PNPLA1: variants seen among roughly 807,000 people sequenced by gnomAD.
The protein encoded by PNPLA1 is patatin like domain 1, omega-hydroxyceramide transacylase, also known as omega-hydroxyceramide transacylase.
PNPLA1 carries 36 observed loss-of-function variants against 51.7 expected under a neutral mutation model. The ratio of observed to expected loss-of-function variants is 0.70; its 90% CI spans 0.53 to 0.92. PNPLA1 has a LOEUF of 0.92. PNPLA1 is among the 40% of genes least tolerant of loss of function. The pLI is 0.00. For synonymous variants in PNPLA1, 293 were observed against 280.1 expected (o/e 1.05, Z -0.46); for missense variants, 658 against 682.5 (o/e 0.96, Z 0.40).
chr6:36,247,564 G>GAATGA (rs1258074955), intron 1 of PNPLA1, among the ~76,000 whole-genome samples: 2 of 152,210 alleles, frequency 1.3e-5, no homozygotes, highest in Non-Finnish European at 2.9e-5. Context: ...TATAGTCGAT[G>GAATGA]AATGAATTTT....
At chr6:36,291,586 A>ACAGGGG in intron 2 of PNPLA1, 34 bp downstream of exon 2, 1 of 42,832 alleles carries the variant, frequency 2.3e-5, no homozygotes. Context: ...AGGGACACGG[A>ACAGGGG]GGGGGCGGGG....
At chr6:36,303,340 G>A (rs368396941) in intron 6 of PNPLA1, among the ~76,000 whole-genome samples, 3 of 152,274 alleles carry the variant, frequency 2.0e-5, no homozygotes, top group Admixed American at 6.5e-5. Flanking sequence ...TGATCTGCCC[G>A]CCTTGGCCTC....
intron 5 of PNPLA1, among the ~76,000 whole-genome samples, chr6:36,300,036 T>C (rs541993745): frequency 6.6e-6 from 1 of 152,160 alleles, no homozygotes; most frequent in Non-Finnish European, 1.5e-5. Flanking sequence ...ATTCAGATTT[T>C]CTCAGTTTTT....
At chr6:36,305,768 CTTTTTTTT>C (rs72063246) in intron 6 of PNPLA1, among the ~76,000 whole-genome samples, 24 of 96,576 alleles carry the variant, frequency 2.5e-4, no homozygotes, top group African/African-American at 8.9e-4. Context: ...TTACTTTTCT[CTTTTTTTT>C]TTTTTTTTTT....
intron 8 of PNPLA1, chr6:36,308,594 C>T (rs1771314681): frequency 6.6e-6 from 1 of 152,196 alleles, no homozygotes; most frequent in Non-Finnish European, 1.5e-5. Context: ...AATTAAAACT[C>T]TATCCCCAAG....
At chr6:36,273,295 GA>G (rs1769982903) in intron 1 of PNPLA1, among the ~76,000 whole-genome samples, 1 of 138,226 alleles carries the variant, frequency 7.2e-6, no homozygotes, top group African/African-American at 2.7e-5. Flanking sequence ...AGAGTAGAAA[GA>G]AAGCCTCCAT....
chr6:36,295,010 C>T (rs1414055794), intron 4 of PNPLA1, among the ~76,000 whole-genome samples: 2 of 152,218 alleles, frequency 1.3e-5, no homozygotes, highest in Admixed American at 6.5e-5. Context: ...GACAGCAACA[C>T]AGCCAATAAG....
At chr6:36,285,258 C>T (rs1427597271) in intron 1 of PNPLA1, among the ~76,000 whole-genome samples, 1 of 152,202 alleles carries the variant, frequency 6.6e-6, no homozygotes, top group Non-Finnish European at 1.5e-5. Context: ...GCGCCCCCTG[C>T]TTCCCGCGCG....
chr6:36,294,956 A>G lies in PNPLA1; in HGVS notation c.715-408A>G, dbSNP rs1413101329. On this transcript the variant is annotated intron_variant, in intron 4 of 8. Transcript: ENST00000636260. The surrounding 1 kb of genome is among the most constrained non-coding windows in gnomAD (Gnocchi z 4.2). Reference sequence around the variant, plus strand: ...AGCATCCTCTATGATCAATATTATAACTGTCCCCATTTTATAGATGAAGAA... The same window carrying G: ...AGCATCCTCTATGATCAATATTATAGCTGTCCCCATTTTATAGATGAAGAA... Among the ~76,000 whole-genome samples, 2 of 152,212 alleles carry G rather than the reference A, an allele frequency of 1.3e-5. No homozygotes were observed. The highest frequency in any genetic ancestry group is 2.9e-5 in the Non-Finnish European group (2 of 68,034).
intron 6 of PNPLA1, among the ~76,000 whole-genome samples, chr6:36,305,231 T>C (rs1771195020): frequency 6.6e-6 from 1 of 152,204 alleles, no homozygotes; most frequent in African/African-American, 2.4e-5. Flanking sequence ...ACTGTTAGTG[T>C]ATTTTATGTG....
intron 3 of PNPLA1, 107 bp downstream of exon 3, chr6:36,293,233 G>A: frequency 8.9e-7 from 1 of 1,117,356 alleles, no homozygotes; most frequent in Non-Finnish European, 1.3e-6. Context: ...GCAGCGGGAG[G>A]ACCTAGAGTT....
chr6:36,272,262 C>T (rs2127325052), intron 1 of PNPLA1, among the ~76,000 whole-genome samples: 1 of 152,302 alleles, frequency 6.6e-6, no homozygotes, highest in South Asian at 2.1e-4. Context: ...ATTAGATTCT[C>T]ATAAGGAGTG....
intron 6 of PNPLA1, among the ~76,000 whole-genome samples, chr6:36,303,877 A>C (rs1343213275): frequency 6.6e-6 from 1 of 152,204 alleles, no homozygotes. Flanking sequence ...TATAACTAAT[A>C]AAAACACAGT....
intron 1 of PNPLA1, among the ~76,000 whole-genome samples, chr6:36,282,108 G>GGAAA (rs1770319166): frequency 2.6e-5 from 2 of 77,562 alleles, no homozygotes; most frequent in Non-Finnish European, 5.5e-5. Context: ...AAGGAAGGAA[G>GGAAA]GAAGGAAGGA....
chr6:36,309,431 G>A (rs767390602), intron 8 of PNPLA1, among the ~76,000 whole-genome samples: 2 of 152,128 alleles, frequency 1.3e-5, no homozygotes, highest in Admixed American at 1.3e-4. Context: ...GGAAGCCACG[G>A]ATCTGCGGTG....
intron 1 of PNPLA1, among the ~76,000 whole-genome samples, chr6:36,276,343 T>A (rs1770097183): frequency 6.6e-6 from 1 of 152,216 alleles, no homozygotes; most frequent in Non-Finnish European, 1.5e-5. Flanking sequence ...CCTGTGTTTT[T>A]TTCCTGTGAA....
rs1771434453 is a variant in PNPLA1, at chr6:36,312,708, GGTGCACAAGATCT to G, written c.*825_*837del. On this transcript the variant is annotated 3_prime_UTR_variant, in exon 9 of 9. Transcript: ENST00000636260. ...GGCAACACCTATTCCCAGCCCCGAT[GGTGCACAAGATCT>G]GTTTCCCTTCCAGGGTGAGCATCTC... is the stretch of plus-strand genomic sequence containing the variant. Among the ~76,000 whole-genome samples the G allele has an allele frequency of 6.6e-6, 1 of 152,170 alleles. No individual in the cohort carries two copies. The highest frequency in any genetic ancestry group is 2.4e-5 in the African/African-American group (1 of 41,438).
chr6:36,291,575 G>GGA, intron 2 of PNPLA1, 23 bp downstream of exon 2: 1 of 521,318 alleles, frequency 1.9e-6, no homozygotes, highest in Non-Finnish European at 3.6e-6. Flanking sequence ...GGCTGGGAGG[G>GGA]AGGGACACGG....
chr6:36,303,541 A>G (rs755990252), intron 6 of PNPLA1, among the ~76,000 whole-genome samples: 2 of 152,226 alleles, frequency 1.3e-5, no homozygotes, highest in African/African-American at 2.4e-5. Context: ...CCTCAAAAAT[A>G]CAATCAGGGA....
Sources: gnomAD v4.1 joint callset for allele counts (sites outside exome capture counted in the v4.1 genomes callset) on GRCh38, gnomAD v4.1.1 for gene constraint, Gnocchi (gnomAD v3.1) non-coding constraint, MANE v1.5 for transcripts, NCBI Gene and HGNC (gene_info 2026-07-23, HGNC 2026-07-21) for gene names.